Variants in DPYD observed in about 807,000 individuals in gnomAD.
DPYD encodes the protein dihydropyrimidine dehydrogenase.
Under a neutral mutation model 116.2 loss-of-function variants are expected in DPYD, and 109 were observed. The ratio of observed to expected loss-of-function variants is 0.94; its 90% CI spans 0.80 to 1.10. The LOEUF (loss-of-function observed/expected upper bound fraction) is 1.10. Among genes scored for constraint, DPYD ranks in the 50% least tolerant of loss-of-function variants. The pLI is 0.00. For synonymous variants in DPYD, 440 were observed against 432.0 expected, an observed-to-expected ratio of 1.02 and a Z score of -0.23; for missense variants, 1,302 against 1,254.5, an observed-to-expected ratio of 1.04 and a Z score of -0.57.
intron 20 of DPYD, among the ~76,000 whole-genome samples, chr1:97,172,097 A>G (rs1259630452): frequency 6.6e-6 from 1 of 152,222 alleles, no homozygotes; most frequent in African/African-American, 2.4e-5. Context: ...AATCCAGGTG[A>G]AAGTGGGTTT....
rs1173056989 is a variant in DPYD, at chr1:97,549,549, CA to C, written c.1524+10del. 17 of 1,613,634 alleles carry C rather than the reference CA, an allele frequency of 1.1e-5. No individual in the cohort carries two copies. The highest frequency in any genetic ancestry group is 1.4e-5 in the Non-Finnish European group (17 of 1,179,690). On this transcript the variant is annotated intron_variant, in intron 12 of 22. Transcript: ENST00000370192. ...GAAAAGAATTAAGTGGAAATGATGG[CA>C]AATGCCTACCTGTACGTATTTGTGA... is the stretch of plus-strand genomic sequence containing the variant.
chr1:97,807,449 G>A (rs940476664), intron 3 of DPYD, among the ~76,000 whole-genome samples: 2 of 151,934 alleles, frequency 1.3e-5, no homozygotes, highest in African/African-American at 4.8e-5. Flanking sequence ...TTCTTGATGA[G>A]GTGTATGTTC....
At chr1:97,725,895 A>C (rs1038511274) in intron 4 of DPYD, among the ~76,000 whole-genome samples, 1 of 151,520 alleles carries the variant, frequency 6.6e-6, no homozygotes, top group Non-Finnish European at 1.5e-5. Context: ...TCTCAAATTG[A>C]CTGTGGTGAT....
chr1:97,680,432 T>C (rs1190514087), intron 7 of DPYD, among the ~76,000 whole-genome samples: 2 of 152,128 alleles, frequency 1.3e-5, no homozygotes, highest in Non-Finnish European at 2.9e-5. Context: ...GTAGTCCTGA[T>C]TGCAGTTTCT....
At chr1:97,231,350 G>T (rs1307701358) in intron 19 of DPYD, among the ~76,000 whole-genome samples, 1 of 152,176 alleles carries the variant, frequency 6.6e-6, no homozygotes, top group Non-Finnish European at 1.5e-5. Flanking sequence ...TCATGTGACT[G>T]CTATTAAAGA....
intron 3 of DPYD, among the ~76,000 whole-genome samples, chr1:97,775,208 T>C (rs1391828180): frequency 2.0e-5 from 3 of 152,226 alleles, no homozygotes; most frequent in Admixed American, 1.3e-4. Flanking sequence ...GTATATTTTC[T>C]GAACCCCTGA....
chr1:97,258,879 T>C (rs1010024832), intron 18 of DPYD, among the ~76,000 whole-genome samples: 1 of 152,132 alleles, frequency 6.6e-6, no homozygotes, highest in Non-Finnish European at 1.5e-5. Flanking sequence ...TTGGACTAAG[T>C]CAAGCCTATA....
rs768834079 is a variant in DPYD at position 97,593,380 on chromosome 1, G to T, written c.966C>A (p.Cys322Ter). The T allele has an allele frequency of 2.9e-5, 46 of 1,613,898 alleles. No individual in the cohort carries two copies. Among genetic ancestry groups the T allele is most frequent in the Non-Finnish European group, 3.8e-5 (45 of 1,179,986 alleles). ...TCGATGGCAATGGAGAGTGACAGGC[G>T]CACATTCCTGAATGATGAAAGGAAA... ...LVAKGSKAGM[C>*]ACHSPLPSIR... The change falls in exon 10 of 23, where the codon TGC becomes TGA. Residue 322 changes from cysteine (C) to a stop codon, truncating the protein, a stop_gained. Transcript: ENST00000370192. LOFTEE classifies it high-confidence loss of function.
At chr1:97,484,290 C>A (rs541650240) in intron 13 of DPYD, among the ~76,000 whole-genome samples, 1 of 152,262 alleles carries the variant, frequency 6.6e-6, no homozygotes, top group Non-Finnish European at 1.5e-5. Flanking sequence ...GGTGACAGAG[C>A]AAGACTCCAT....
At chr1:97,429,029 T>C (rs540522764) in intron 14 of DPYD, among the ~76,000 whole-genome samples, 4 of 151,974 alleles carry the variant, frequency 2.6e-5, no homozygotes, top group Non-Finnish European at 5.9e-5. Flanking sequence ...AGTAGTAAAA[T>C]AGTGTGGGCA....
intron 13 of DPYD, among the ~76,000 whole-genome samples, chr1:97,463,673 T>C (rs1349187635): frequency 4.6e-5 from 7 of 152,122 alleles, no homozygotes; most frequent in Non-Finnish European, 8.8e-5. Context: ...ATGCTGATAA[T>C]GATAAGGGCA....
At chr1:97,217,827 G>A (rs535192739) in intron 19 of DPYD, among the ~76,000 whole-genome samples, 8 of 152,238 alleles carry the variant, frequency 5.3e-5, no homozygotes, top group Non-Finnish European at 7.4e-5. Flanking sequence ...AATGAAAAGC[G>A]GGGCAACACC....
At chr1:97,324,313 T>A (rs964166913) in intron 16 of DPYD, among the ~76,000 whole-genome samples, 7 of 152,036 alleles carry the variant, frequency 4.6e-5, no homozygotes, top group Admixed American at 3.9e-4. Context: ...CACTATCCAG[T>A]GTGGAGTGAC....
intron 13 of DPYD, among the ~76,000 whole-genome samples, chr1:97,503,215 C>G (rs1679694852): frequency 6.6e-6 from 1 of 151,908 alleles, no homozygotes; most frequent in African/African-American, 2.4e-5. Flanking sequence ...CAATATTTCT[C>G]TTTATATTGA....
intron 18 of DPYD, among the ~76,000 whole-genome samples, chr1:97,236,163 C>T (rs1570731223): frequency 1.3e-5 from 2 of 152,070 alleles, no homozygotes; most frequent in African/African-American, 4.8e-5. Context: ...GTCCTTTAAG[C>T]ATTTTCTGAA....
intron 16 of DPYD, among the ~76,000 whole-genome samples, chr1:97,332,056 T>C (rs1305223590): frequency 6.6e-6 from 1 of 152,202 alleles, no homozygotes; most frequent in Non-Finnish European, 1.5e-5. Flanking sequence ...TATTAGTTGA[T>C]CATTGTTATC....
intron 10 of DPYD, among the ~76,000 whole-genome samples, chr1:97,577,345 CTGACCCTCCACCCTGCATGGA>C (rs1185405716): frequency 6.6e-6 from 1 of 152,194 alleles, no homozygotes; most frequent in Non-Finnish European, 1.5e-5. Context: ...ACTGGTCCTG[CTGACCCTCCACCCTGCATGGA>C]CTGTGCAGAC....
intron 13 of DPYD, among the ~76,000 whole-genome samples, chr1:97,454,833 CTT>C (rs951760206): frequency 1.3e-5 from 2 of 151,772 alleles, no homozygotes; most frequent in African/African-American, 4.8e-5. Flanking sequence ...AAAAAGAAAA[CTT>C]TGCAGAAATG....
At chr1:97,828,760 A>G (rs1311779849) in intron 2 of DPYD, among the ~76,000 whole-genome samples, 1 of 152,026 alleles carries the variant, frequency 6.6e-6, no homozygotes, top group East Asian at 1.9e-4. Context: ...AACTGCACAT[A>G]TATATTTATA....
Sources: gnomAD v4.1 joint callset for allele counts (sites outside exome capture counted in the v4.1 genomes callset) on GRCh38, gnomAD v4.1.1 for gene constraint, MANE v1.5 for transcripts, NCBI Gene and HGNC (gene_info 2026-07-23, HGNC 2026-07-21) for gene names.